Variants in JADE3 observed in about 807,000 individuals in gnomAD.
JADE3 encodes protein Jade-3.
A neutral mutation model predicts 50.1 loss-of-function variants in JADE3; 2 were observed. That is an observed-to-expected ratio of 0.04 (90% CI 0.02 to 0.13). JADE3 has a LOEUF of 0.13. JADE3 is among the 10% of genes least tolerant of loss of function. The pLI is 1.00. For missense variants in JADE3, 475 were observed against 634.4 expected (o/e 0.75, Z 2.70); for synonymous variants, 218 against 232.9 (o/e 0.94, Z 0.58).
chrX:46,948,128 T>C lies in JADE3; in HGVS notation c.-12+35409T>C, dbSNP rs147591900. Among the ~76,000 whole-genome samples, 609 of 112,051 alleles carry C rather than the reference T, an allele frequency of 5.4e-3. 2 individuals carry two copies. Among genetic ancestry groups the C allele is most frequent in the Non-Finnish European group, 9.5e-3 (503 of 53,177 alleles). ...GTTAGCCTGTGGGAGTTTTTAAGAT[T>C]AAGATCACTGTCTAAATTCAAGTTG... On this transcript the variant is annotated intron_variant, in intron 1 of 10. Transcript: ENST00000614628.
intron 1 of JADE3, among the ~76,000 whole-genome samples, chrX:46,980,339 G>A (rs918756117): frequency 8.1e-5 from 9 of 111,095 alleles, no homozygotes; most frequent in Admixed American, 4.8e-4. Flanking sequence ...TTCTAGAATA[G>A]CGATTCCTTT....
intron 4 of JADE3, among the ~76,000 whole-genome samples, chrX:47,018,710 A>G (rs1928730800): frequency 8.9e-6 from 1 of 112,099 alleles, no homozygotes; most frequent in Non-Finnish European, 1.9e-5. Context: ...ACTATTGCTG[A>G]TGATAATTTG....
chrX:47,002,711 A>G (rs1556359416), intron 4 of JADE3, among the ~76,000 whole-genome samples: 1 of 104,092 alleles, frequency 9.6e-6, no homozygotes, highest in African/African-American at 3.5e-5. Context: ...GTTCCTTAGG[A>G]TTTTCTGTGT....
At chrX:46,922,816 T>A (rs1042403094) in intron 1 of JADE3, among the ~76,000 whole-genome samples, 1 of 111,874 alleles carries the variant, frequency 8.9e-6, no homozygotes, top group South Asian at 3.7e-4. Context: ...AGTCTCAACA[T>A]CTGCATTTAC....
intron 1 of JADE3, among the ~76,000 whole-genome samples, chrX:46,942,891 G>A (rs902940046): frequency 9.0e-6 from 1 of 111,491 alleles, no homozygotes; most frequent in Admixed American, 9.6e-5. Flanking sequence ...GCAGTGTTTT[G>A]TAGTTCTCCT....
At chrX:47,046,662 C>A (rs1353199624) in intron 8 of JADE3, among the ~76,000 whole-genome samples, 1 of 112,294 alleles carries the variant, frequency 8.9e-6, no homozygotes, top group Non-Finnish European at 1.9e-5. Flanking sequence ...TTTAACAATA[C>A]TTTGAAAAGA....
intron 6 of JADE3, among the ~76,000 whole-genome samples, chrX:47,033,415 A>G (rs782163639): frequency 4.6e-4 from 51 of 111,882 alleles, no homozygotes; most frequent in African/African-American, 1.6e-3. Flanking sequence ...GTCAGTTCTC[A>G]TGGACAGACA....
chrX:47,044,892 G>T (rs782385389), intron 8 of JADE3, among the ~76,000 whole-genome samples: 1 of 111,274 alleles, frequency 9.0e-6, no homozygotes, highest in South Asian at 3.7e-4. Flanking sequence ...GATATTATCC[G>T]CAAGGCCCAT....
chrX:47,049,780 G>A lies in JADE3; in HGVS notation c.973-4378G>A, dbSNP rs868967715. Among the ~76,000 whole-genome samples the A allele has an allele frequency of 2.1e-3, 37 of 17,744 alleles. No homozygotes were observed. The South Asian group carries it at 0.071, about 34-fold the overall frequency. 15.4% of individuals were successfully genotyped at this position (17,744 alleles called of 115,157 possible). Reference sequence around the variant, plus strand: ...CTTTTTTTTTTTTTTTTTTTTTTTTGAGAGGGAGTCTCGCCCTGTCGTCCA... The same window carrying A: ...CTTTTTTTTTTTTTTTTTTTTTTTTAAGAGGGAGTCTCGCCCTGTCGTCCA... On this transcript the variant is annotated intron_variant, in intron 8 of 10. Transcript: ENST00000614628.
chrX:46,999,288 AT>A (rs1185896086), intron 4 of JADE3, among the ~76,000 whole-genome samples: 1 of 107,914 alleles, frequency 9.3e-6, no homozygotes, highest in Non-Finnish European at 1.9e-5. Flanking sequence ...TCAATACCCA[AT>A]TATCTCTTAA....
chrX:46,933,920 C>T (rs1287841735), intron 1 of JADE3, among the ~76,000 whole-genome samples: 1 of 110,379 alleles, frequency 9.1e-6, no homozygotes, highest in African/African-American at 3.3e-5. Context: ...TTTGTCAAAC[C>T]CATCAGAGAG....
chrX:46,944,342 G>T (rs1409396732), intron 1 of JADE3, among the ~76,000 whole-genome samples: 4 of 102,458 alleles, frequency 3.9e-5, no homozygotes, highest in Non-Finnish European at 7.9e-5. Context: ...TATTGCTGTT[G>T]TCGCCCAGGC....
In JADE3 at chrX:47,036,476, T is replaced by G. The variant is rs374806557; in HGVS notation, c.856-2473T>G. On this transcript the variant is annotated intron_variant, in intron 7 of 10. Transcript: ENST00000614628. ...AGGAAACAACAGGTGCTGGAGAGGATGTGGAGAAATAGGAACACTTTTACA... is the reference window on the plus strand; with the variant it reads ...AGGAAACAACAGGTGCTGGAGAGGAGGTGGAGAAATAGGAACACTTTTACA... Among the ~76,000 whole-genome samples the G allele has an allele frequency of 2.5e-3, 276 of 108,965 alleles. 6 individuals carry two copies. In the East Asian group the frequency reaches 0.049, roughly 19 times the overall value. The allele number at this position is 108,965 out of a possible 115,157, so 94.6% of individuals were successfully genotyped here. A position where few individuals can be genotyped will look rare whatever the true frequency, so the allele number is the denominator to read the frequency against.
intron 1 of JADE3, among the ~76,000 whole-genome samples, chrX:46,923,244 G>T (rs181602342): frequency 1.8e-5 from 2 of 108,167 alleles, no homozygotes; most frequent in East Asian, 5.8e-4. Context: ...GGAACTCCTG[G>T]GTTCAGGTGA....
chrX:46,930,765 A>G (rs1163737534), intron 1 of JADE3, among the ~76,000 whole-genome samples: 2 of 111,250 alleles, frequency 1.8e-5, no homozygotes, highest in South Asian at 3.8e-4. Context: ...TCACAGCCCT[A>G]TGACAGACAG....
intron 1 of JADE3, among the ~76,000 whole-genome samples, chrX:46,972,873 A>G (rs1391826068): frequency 8.9e-6 from 1 of 112,422 alleles, no homozygotes; most frequent in Non-Finnish European, 1.9e-5. Flanking sequence ...TGCTAGGATT[A>G]TAGGCGTGAG....
intron 1 of JADE3, among the ~76,000 whole-genome samples, chrX:46,972,493 G>A (rs1927521009): frequency 8.9e-6 from 1 of 112,360 alleles, no homozygotes; most frequent in Non-Finnish European, 1.9e-5. Context: ...ACTGCACCCG[G>A]CCACAAGTTT....
chrX:47,044,967 A>G (rs1365951770), intron 8 of JADE3, among the ~76,000 whole-genome samples: 1 of 111,999 alleles, frequency 8.9e-6, no homozygotes, highest in Non-Finnish European at 1.9e-5. Flanking sequence ...AAGTTAAGAC[A>G]TACCACCTGA....
chrX:47,016,332 T>C (rs1928675524), intron 4 of JADE3, among the ~76,000 whole-genome samples: 1 of 111,945 alleles, frequency 8.9e-6, no homozygotes, highest in Non-Finnish European at 1.9e-5. Flanking sequence ...AGGAACCTTA[T>C]TGGTTTTATT....
Sources: allele counts gnomAD v4.1 joint callset (sites outside exome capture counted in the v4.1 genomes callset), GRCh38; gene constraint gnomAD v4.1.1; transcripts MANE v1.5; gene names NCBI Gene and HGNC (gene_info 2026-07-23, HGNC 2026-07-21).